GRIN2B: variants seen among roughly 807,000 people sequenced by gnomAD.
The protein encoded by GRIN2B is glutamate ionotropic receptor NMDA type subunit 2B.
Under a neutral mutation model 114.5 loss-of-function variants are expected in GRIN2B, and 5 were observed. The ratio of observed to expected loss-of-function variants is 0.04; its 90% CI spans 0.02 to 0.09. The LOEUF is 0.09. GRIN2B is among the 10% of genes least tolerant of loss of function. The probability of loss-of-function intolerance (pLI) is 1.00; values close to 1 mark genes in which losing one functional copy is unlikely to be tolerated. For synonymous variants in GRIN2B, 787 were observed against 745.1 expected, an observed-to-expected ratio of 1.06 and a Z score of -0.92; for missense variants, 1,108 against 1,943.5, an observed-to-expected ratio of 0.57 and a Z score of 8.08.
In GRIN2B at chr12:13,542,482, T is replaced by TA. The variant is rs1948290891; in HGVS notation, c.*20300dup. 6.6e-6 allele frequency: 1 copy of TA among 152,108 alleles called. No individual in the cohort carries two copies. 9.4% of individuals were successfully genotyped at this position (152,108 alleles called of 1,614,324 possible). On this transcript the variant is annotated 3_prime_UTR_variant, in exon 14 of 14. Coordinates refer to ENST00000609686, the MANE Select transcript of GRIN2B (RefSeq NM_000834.5). ...TAGCAGTGGGGTTTTTAGTAGAAGT[T>TA]AAAAAAGCAAATATCAGGACTGAGG...
chr12:13,664,202 A>C (rs763928877), intron 5 of GRIN2B, among the ~76,000 whole-genome samples: 2 of 152,130 alleles, frequency 1.3e-5, no homozygotes, highest in Non-Finnish European at 2.9e-5. Flanking sequence ...AAAGCACAAG[A>C]GGTGCTGGAG....
In GRIN2B at chr12:13,742,965, T is replaced by G. The variant is rs542418476; in HGVS notation, c.1010+10352A>C. On this transcript the variant is annotated intron_variant, in intron 4 of 13. Coordinates refer to ENST00000609686, the MANE Select transcript of GRIN2B (RefSeq NM_000834.5). ...GGAGTTCCAGCAGCCATCTTAGGCA[T>G]GGGGATGAAGGATATACCCAGTGGA... Among the ~76,000 whole-genome samples, 25 of 152,300 alleles carry G rather than the reference T, an allele frequency of 1.6e-4. No individual in the cohort carries two copies. In the South Asian group the frequency reaches 5.2e-3, roughly 32 times the overall value.
chr12:13,959,173 G>C (rs930162672), intron 2 of GRIN2B, among the ~76,000 whole-genome samples: 1 of 152,192 alleles, frequency 6.6e-6, no homozygotes, highest in African/African-American at 2.4e-5. Context: ...AATTGAGCCA[G>C]ATTTTAAAGG....
intron 2 of GRIN2B, among the ~76,000 whole-genome samples, chr12:13,920,504 C>T (rs1393307541): frequency 6.6e-6 from 1 of 152,200 alleles, no homozygotes; most frequent in Non-Finnish European, 1.5e-5. Flanking sequence ...TAGCACCATT[C>T]TCACATCTCT....
In GRIN2B at chr12:13,663,671, G is replaced by A. The variant is rs375258234; in HGVS notation, c.1125+12074C>T. Among the ~76,000 whole-genome samples, 16 of 152,224 alleles carry A rather than the reference G, an allele frequency of 1.1e-4. No homozygotes were observed. In the East Asian group the frequency reaches 2.3e-3, roughly 22 times the overall value. The stretch of plus-strand genomic sequence containing the variant: ...AGTCATTTTAGAATGAAGGAAAAAA[G>A]CTTGCTCATTTCAAATTTATAACTA... On this transcript the variant is annotated intron_variant, in intron 5 of 13. Coordinates refer to ENST00000609686, the MANE Select transcript of GRIN2B (RefSeq NM_000834.5).
chr12:13,606,700 AG>A (rs905896063), intron 10 of GRIN2B, among the ~76,000 whole-genome samples: 6 of 152,176 alleles, frequency 3.9e-5, no homozygotes, highest in African/African-American at 7.2e-5. Context: ...AGTCACCAAA[AG>A]GCGATTGTGG....
intron 2 of GRIN2B, among the ~76,000 whole-genome samples, chr12:13,975,780 G>A (rs141013843): frequency 6.6e-6 from 1 of 152,102 alleles, no homozygotes; most frequent in Non-Finnish European, 1.5e-5. Flanking sequence ...AGGGAAACAG[G>A]GCATATAAAC....
At chr12:13,779,521 G>C (rs1283737085) in intron 3 of GRIN2B, among the ~76,000 whole-genome samples, 1 of 152,032 alleles carries the variant, frequency 6.6e-6, no homozygotes, top group Non-Finnish European at 1.5e-5. Flanking sequence ...AAATGAAATA[G>C]GCAAACACAT....
chr12:13,882,954 T>C (rs1399858554), intron 2 of GRIN2B, among the ~76,000 whole-genome samples: 1 of 152,220 alleles, frequency 6.6e-6, no homozygotes, highest in Non-Finnish European at 1.5e-5. Flanking sequence ...CAATCACTGA[T>C]GTGATTTCTA....
At chr12:13,792,699 G>A (rs999657738) in intron 3 of GRIN2B, among the ~76,000 whole-genome samples, 2 of 152,350 alleles carry the variant, frequency 1.3e-5, no homozygotes, top group Admixed American at 6.5e-5. Context: ...AGGCCATGGT[G>A]CAAGGCAGAT....
At chr12:13,820,603 C>A (rs1387166516) in intron 3 of GRIN2B, among the ~76,000 whole-genome samples, 2 of 152,166 alleles carry the variant, frequency 1.3e-5, no homozygotes, top group Non-Finnish European at 2.9e-5. Context: ...TTATGGGAAG[C>A]AACCATGTTC....
chr12:13,570,663 T>A (rs942164383), intron 11 of GRIN2B, among the ~76,000 whole-genome samples: 2 of 133,842 alleles, frequency 1.5e-5, no homozygotes, highest in South Asian at 2.3e-4. Context: ...AAGAACTTCA[T>A]TTTATGTATT....
chr12:13,663,713 A>ATATACTGTTTTC (rs1361528635), intron 5 of GRIN2B, among the ~76,000 whole-genome samples: 1 of 152,174 alleles, frequency 6.6e-6, no homozygotes, highest in East Asian at 1.9e-4. Flanking sequence ...TCAAAAATCT[A>ATATACTGTTTTC]TATACTGTTT....
intron 2 of GRIN2B, among the ~76,000 whole-genome samples, chr12:13,910,403 T>C (rs1424850161): frequency 1.3e-5 from 2 of 152,172 alleles, no homozygotes; most frequent in Non-Finnish European, 2.9e-5. Context: ...CCTGATGAAA[T>C]GGGCAAAACA....
intron 2 of GRIN2B, among the ~76,000 whole-genome samples, chr12:13,914,476 T>C (rs2136803857): frequency 6.6e-6 from 1 of 152,282 alleles, no homozygotes; most frequent in African/African-American, 2.4e-5. Flanking sequence ...TGGGTGAGAA[T>C]GTAAATCAAT....
At chr12:13,751,454 G>A (rs761418189) in intron 4 of GRIN2B, among the ~76,000 whole-genome samples, 1 of 152,198 alleles carries the variant, frequency 6.6e-6, no homozygotes, top group Non-Finnish European at 1.5e-5. Flanking sequence ...GATGTTGTAG[G>A]AGAGATGAAA....
chr12:13,689,722 C>T (rs537166864), intron 4 of GRIN2B, among the ~76,000 whole-genome samples: 1 of 152,280 alleles, frequency 6.6e-6, no homozygotes, highest in East Asian at 1.9e-4. Context: ...AGTCTGCTCT[C>T]AGCAAAGGAT....
intron 3 of GRIN2B, among the ~76,000 whole-genome samples, chr12:13,830,506 T>C (rs564222709): frequency 7.2e-5 from 11 of 152,336 alleles, no homozygotes; most frequent in African/African-American, 2.6e-4. Context: ...AATGTCCTAA[T>C]ATTCTCTGGA....
intron 4 of GRIN2B, among the ~76,000 whole-genome samples, chr12:13,679,516 G>T (rs934585223): frequency 1.3e-5 from 2 of 152,146 alleles, no homozygotes; most frequent in African/African-American, 4.8e-5. Flanking sequence ...ATCTACCTAA[G>T]CACTCCTCAC....
Sources: gnomAD v4.1 joint callset for allele counts (sites outside exome capture counted in the v4.1 genomes callset) on GRCh38, gnomAD v4.1.1 for gene constraint, MANE v1.5 for transcripts, NCBI Gene and HGNC (gene_info 2026-07-23, HGNC 2026-07-21) for gene names.